Variants in NRBP1 observed in about 807,000 individuals in gnomAD.
The protein encoded by NRBP1 is nuclear receptor binding protein 1.
In NRBP1, 10 loss-of-function variants were observed where a neutral mutation model predicts 76.0. The observed-to-expected ratio is 0.13, with a 90% CI of 0.08 to 0.22. The LOEUF (loss-of-function observed/expected upper bound fraction) is 0.22, where lower values mean the gene tolerates loss of function less well. Ranked by LOEUF, NRBP1 falls within the 10% of genes least tolerant of loss-of-function variation. The probability of loss-of-function intolerance (pLI) is 1.00; values close to 1 mark genes in which losing one functional copy is unlikely to be tolerated. For missense variants in NRBP1, 344 were observed against 646.0 expected (o/e 0.53, Z 5.07); for synonymous variants, 235 against 240.2 (o/e 0.98, Z 0.20).
chr2:27,440,037 A>T, intron 11 of NRBP1, 139 bp downstream of exon 11: 1 of 605,226 alleles, frequency 1.7e-6, no homozygotes, highest in Non-Finnish European at 2.4e-6. Flanking sequence ...TTTTTGAGAC[A>T]GAGTCTCACT....
intron 1 of NRBP1, 56 bp downstream of exon 1, chr2:27,428,787 G>A (rs1572682574): frequency 1.3e-5 from 5 of 398,214 alleles, no homozygotes; most frequent in Middle Eastern, 6.3e-4. Flanking sequence ...GAGGACGGAA[G>A]GATCGGCCTC....
chr2:27,439,409 C>T (rs548061748), intron 10 of NRBP1, among the ~76,000 whole-genome samples: 73 of 149,288 alleles, frequency 4.9e-4, no homozygotes, highest in Admixed American at 4.0e-3. Flanking sequence ...GGCGTGAACC[C>T]GGTAGGCAGA....
intron 7 of NRBP1, chr2:27,435,498 G>A (rs1044468887): frequency 8.2e-6 from 5 of 612,222 alleles, no homozygotes; most frequent in Non-Finnish European, 1.5e-5. Context: ...ATAGGTTTGA[G>A]GTTTGATTTG....
At chr2:27,427,982 T>A (rs970223801), upstream of NRBP1, 1 of 152,256 alleles carries the variant, frequency 6.6e-6, no homozygotes, top group South Asian at 2.1e-4. Context: ...TAGACTTGGC[T>A]CTTACCAACT....
chr2:27,437,234 C>CT (rs748395007), intron 9 of NRBP1, 28 bp from the exon 10 acceptor site: 8,500 of 1,253,246 alleles, frequency 6.8e-3, no homozygotes, highest in Non-Finnish European at 7.9e-3. Flanking sequence ...TAGGTGTCTA[C>CT]TTTTTTTTTT....
intron 1 of NRBP1, among the ~76,000 whole-genome samples, chr2:27,430,478 T>TTTTTTTTTTTTTTTC (rs1553317017): frequency 7.3e-5 from 10 of 137,784 alleles, no homozygotes; most frequent in African/African-American, 1.9e-4. Context: ...TCTTTTTTTT[T>TTTTTTTTTTTTTTTC]TTTTTTTTGA....
At chr2:27,437,575 A>C (rs973851839) in intron 10 of NRBP1, among the ~76,000 whole-genome samples, 1 of 152,194 alleles carries the variant, frequency 6.6e-6, no homozygotes, top group Non-Finnish European at 1.5e-5. Context: ...CTGGGGTTAA[A>C]AGTTGTGTGT....
In NRBP1 at chr2:27,433,732, A is replaced by G. The variant is rs746017494; in HGVS notation, c.270A>G (p.Glu90=). 8 of 1,614,106 alleles carry G rather than the reference A, an allele frequency of 5.0e-6. No homozygotes were observed. Among genetic ancestry groups the G allele is most frequent in the Non-Finnish European group, 5.9e-6 (7 of 1,180,052 alleles). The stretch of plus-strand genomic sequence containing the variant: ...CATACCTGGCCATGGATACAGAGGA[A>G]GGTGTAGAGGTTGTGTGGAATGAGG... ...DSAYLAMDTE[E]GVEVVWNEVQ... The change falls in exon 3 of 18, where the codon GAA becomes GAG. Residue 90 remains glutamate, a synonymous_variant. Transcript: ENST00000379852.
intron 1 of NRBP1, chr2:27,431,591 G>C (rs1664117082): frequency 6.6e-6 from 1 of 152,190 alleles, no homozygotes; most frequent in African/African-American, 2.4e-5. Context: ...TCACAGGAAA[G>C]GTGAGGTCAT....
At chr2:27,429,063 T>C (rs1663993355) in intron 1 of NRBP1, 1 of 180,738 alleles carries the variant, frequency 5.5e-6, no homozygotes, top group African/African-American at 2.4e-5. Context: ...GGGGCGGCGG[T>C]CGCGGCCCGG....
chr2:27,437,257 T>G lies in NRBP1; in HGVS notation c.805-5T>G. The G allele has an allele frequency of 6.2e-7, 1 of 1,612,276 alleles. No homozygotes were observed. The highest frequency in any genetic ancestry group is 1.3e-5 in the African/African-American group (1 of 74,952). On this transcript the variant is annotated splice_polypyrimidine_tract_variant and splice_region_variant and intron_variant, in intron 9 of 17. Coordinates refer to ENST00000379852, the MANE Select transcript of NRBP1 (RefSeq NM_013392.4). ...TACTTTTTTTTTTATTCTTCCTCACTGAAGATGGCAGTGCTGGAGATTCAG... is the reference window on the plus strand; with the variant it reads ...TACTTTTTTTTTTATTCTTCCTCACGGAAGATGGCAGTGCTGGAGATTCAG...
chr2:27,427,934 A>T (rs191700952), upstream of NRBP1: 1 of 152,276 alleles, frequency 6.6e-6, no homozygotes, highest in African/African-American at 2.4e-5. Context: ...CATCTTCTCA[A>T]CGTAGTCTCC....
intron 10 of NRBP1, among the ~76,000 whole-genome samples, chr2:27,438,958 CAGAAAAA>C (rs1428069771): frequency 6.6e-6 from 1 of 151,684 alleles, no homozygotes; most frequent in Non-Finnish European, 1.5e-5. Flanking sequence ...GACCCTGTCT[CAGAAAAA>C]AGAAAGAAAG....
At chr2:27,430,318 G>T (rs145815805) in intron 1 of NRBP1, among the ~76,000 whole-genome samples, 6 of 151,976 alleles carry the variant, frequency 3.9e-5, no homozygotes, top group African/African-American at 1.2e-4. Context: ...TGTAGATTGG[G>T]GGCAGAGATG....
intron 1 of NRBP1, among the ~76,000 whole-genome samples, chr2:27,432,574 CTTTT>C (rs368624636): frequency 2.5e-4 from 38 of 150,934 alleles, no homozygotes; most frequent in African/African-American, 7.3e-4. Context: ...ATTATTAAAT[CTTTT>C]TTTTTGTTTG....
intron 1 of NRBP1, chr2:27,429,451 G>A (rs1337936791): frequency 2.0e-5 from 3 of 152,578 alleles, no homozygotes; most frequent in African/African-American, 7.2e-5. Context: ...AAACGAAAGT[G>A]TCGGGGAAAA....
intron 10 of NRBP1, among the ~76,000 whole-genome samples, chr2:27,437,882 G>GA (rs879896615): frequency 4.9e-4 from 67 of 135,908 alleles, no homozygotes; most frequent in Middle Eastern, 4.4e-3. Context: ...CAGAAAAAAA[G>GA]AAAAAAAAAA....
chr2:27,430,029 C>G (rs1200560822), intron 1 of NRBP1, among the ~76,000 whole-genome samples: 2 of 152,152 alleles, frequency 1.3e-5, no homozygotes, highest in Non-Finnish European at 2.9e-5. Context: ...TGATCTCTAA[C>G]AGAAGTTTTC....
chr2:27,437,941 CTT>C (rs932777484), intron 10 of NRBP1, among the ~76,000 whole-genome samples: 1 of 151,768 alleles, frequency 6.6e-6, no homozygotes, highest in Non-Finnish European at 1.5e-5. Context: ...AATCCCAGCA[CTT>C]TGAGAGGCTG....
Sources: allele counts gnomAD v4.1 joint callset (sites outside exome capture counted in the v4.1 genomes callset), GRCh38; gene constraint gnomAD v4.1.1; transcripts MANE v1.5; gene names NCBI Gene and HGNC (gene_info 2026-07-23, HGNC 2026-07-21).